The following USH2A variants were observed in gnomAD, a reference collection of about 807,000 sequenced individuals.
The protein encoded by USH2A is Usher syndrome 2A (autosomal recessive, mild).
Under a neutral mutation model 538.9 loss-of-function variants are expected in USH2A, and 443 were observed. That is an observed-to-expected ratio of 0.82 (90% confidence interval 0.76 to 0.89). The LOEUF (loss-of-function observed/expected upper bound fraction) is 0.89, where lower values mean the gene tolerates loss of function less well. Ranked by LOEUF, USH2A falls within the 40% of genes least tolerant of loss-of-function variation. USH2A has a pLI of 0.00. For missense variants in USH2A, 6,633 were observed against 6,324.8 expected (o/e 1.05, Z -1.65); for synonymous variants, 2,413 against 2,273.5 (o/e 1.06, Z -1.75).
At chr1:215,779,189 G>A (rs1477955326) in intron 55 of USH2A, among the ~76,000 whole-genome samples, 1 of 152,114 alleles carries the variant, frequency 6.6e-6, no homozygotes. Flanking sequence ...GAACCTATTC[G>A]AGCAAGTAAG....
chr1:216,310,310 C>G (rs899645863), intron 9 of USH2A, among the ~76,000 whole-genome samples: 6 of 151,940 alleles, frequency 3.9e-5, no homozygotes, highest in Non-Finnish European at 8.8e-5. Context: ...ATCAACTATA[C>G]CTTTTTAAAA....
Position 215,951,845 on chromosome 1 carries a change from T to C in USH2A, c.7120+13472A>G, listed in dbSNP as rs1420504765. 1.3e-5 allele frequency among the ~76,000 whole-genome samples: 2 copies of C among 151,226 alleles called. 1 individual carries two copies. The highest frequency in any genetic ancestry group is 3.0e-5 in the Non-Finnish European group (2 of 67,746). The stretch of plus-strand genomic sequence containing the variant: ...GTCTCTTTTGATCTTTGTTGGTTTA[T>C]TTTTTTTATTTTTTATTTTTTTTAT... On this transcript the variant is annotated intron_variant, in intron 37 of 71. Transcript: ENST00000307340.
chr1:215,967,667 C>T (rs1421325158), intron 36 of USH2A, among the ~76,000 whole-genome samples: 1 of 151,776 alleles, frequency 6.6e-6, no homozygotes, highest in Non-Finnish European at 1.5e-5. Context: ...GGCAGACTTC[C>T]CCTATAGCGT....
At chr1:216,285,598 AG>A (rs1209065345) in intron 11 of USH2A, among the ~76,000 whole-genome samples, 1 of 152,180 alleles carries the variant, frequency 6.6e-6, no homozygotes, top group Non-Finnish European at 1.5e-5. Context: ...ATCTGTGAGA[AG>A]GGGGCCACCA....
chr1:216,317,544 T>C (rs556710910), intron 9 of USH2A, among the ~76,000 whole-genome samples: 1 of 152,156 alleles, frequency 6.6e-6, no homozygotes, highest in Non-Finnish European at 1.5e-5. Flanking sequence ...CATGTTCCTC[T>C]GAACTTAAAA....
At chr1:216,090,398 A>G (rs1272016953) in intron 22 of USH2A, among the ~76,000 whole-genome samples, 1 of 150,896 alleles carries the variant, frequency 6.6e-6, no homozygotes, top group Non-Finnish European at 1.5e-5. Context: ...GCTCGACAAC[A>G]TGTATGACAT....
intron 61 of USH2A, among the ~76,000 whole-genome samples, chr1:215,724,532 G>A (rs1659755967): frequency 1.3e-5 from 2 of 152,048 alleles, no homozygotes; most frequent in East Asian, 1.9e-4. Flanking sequence ...TTATTTGTGC[G>A]ACGGTTACAC....
In USH2A at chr1:216,208,924, G is replaced by T. The variant is rs192025904; in HGVS notation, c.3158-1493C>A. On this transcript the variant is annotated intron_variant, in intron 15 of 71. Transcript: ENST00000307340. ...CTCAGTGCACAGGGTTTTTATTGGG[G>T]GCTGTTCCTATGAGCAGCCTCTATC... 1.3e-4 allele frequency among the ~76,000 whole-genome samples: 20 copies of T among 152,160 alleles called. No individual in the cohort carries two copies. In the East Asian group the frequency reaches 3.5e-3, roughly 26 times the overall value.
intron 38 of USH2A, among the ~76,000 whole-genome samples, chr1:215,913,810 G>A (rs780415429): frequency 5.3e-5 from 8 of 151,752 alleles, no homozygotes; most frequent in Non-Finnish European, 1.0e-4. Context: ...CTGGCTACTT[G>A]ATTCCATTAC....
intron 50 of USH2A, among the ~76,000 whole-genome samples, chr1:215,794,935 G>A (rs557451048): frequency 6.6e-6 from 1 of 152,276 alleles, no homozygotes; most frequent in East Asian, 1.9e-4. Flanking sequence ...AGATTCAAAA[G>A]GAAAACAAGT....
intron 44 of USH2A, among the ~76,000 whole-genome samples, chr1:215,846,814 A>T (rs551251458): frequency 6.6e-6 from 1 of 152,278 alleles, no homozygotes; most frequent in East Asian, 1.9e-4. Context: ...TCCTAGAGAC[A>T]TTTTTTTAAC....
chr1:215,816,771 T>G (rs1310971567), intron 48 of USH2A, among the ~76,000 whole-genome samples: 2 of 152,084 alleles, frequency 1.3e-5, no homozygotes, highest in Non-Finnish European at 2.9e-5. Flanking sequence ...ATGTACCCTA[T>G]TCTAATAAGT....
rs150023321 is a variant in USH2A at position 216,046,491 on chromosome 1, A to G, written c.6265T>C (p.Cys2089Arg). The G allele has an allele frequency of 1.2e-6, 2 of 1,613,778 alleles. No homozygotes were observed. The highest frequency in any genetic ancestry group is 2.7e-5 in the African/African-American group (2 of 74,926). ...ATCAGCCTCCCATCCATGTATAAAC[A>G]GTACTGAGTTATAATACCATTTGCC... Reference protein sequence around the residue: ...KKANGIITQYCLYMDGRLIYS... With the variant: ...KKANGIITQYRLYMDGRLIYS... Residue 2089 changes from cysteine to arginine, a missense_variant, in exon 32 of 72, where the codon TGT becomes CGT. Coordinates refer to ENST00000307340, the MANE Select transcript of USH2A (RefSeq NM_206933.4).
rs1157867676 is a variant in USH2A, at chr1:215,623,567, G to GAAAT, written c.*2210_*2213dup. ...AAGCAACATCTTAGAGTTCTTCTCT[G>GAAAT]AAATAAATACAAGTAAACTTAGACA... On this transcript the variant is annotated 3_prime_UTR_variant, in exon 72 of 72. Coordinates refer to ENST00000307340, the MANE Select transcript of USH2A (RefSeq NM_206933.4). 1 of 152,072 alleles carries GAAAT rather than the reference G, an allele frequency of 6.6e-6. No homozygotes were observed. The highest frequency in any genetic ancestry group is 2.4e-5 in the African/African-American group (1 of 41,424). 9.4% of individuals were successfully genotyped at this position (152,072 alleles called of 1,614,324 possible).
At chr1:215,768,386 T>C (rs1317881344) in intron 55 of USH2A, among the ~76,000 whole-genome samples, 1 of 152,232 alleles carries the variant, frequency 6.6e-6, no homozygotes, top group Non-Finnish European at 1.5e-5. Flanking sequence ...CCATTTAGAA[T>C]GAGAGCAGTA....
At chr1:216,162,594 G>T (rs1171453018) in intron 21 of USH2A, among the ~76,000 whole-genome samples, 1 of 152,004 alleles carries the variant, frequency 6.6e-6, no homozygotes, top group South Asian at 2.1e-4. Context: ...AGATTACCTC[G>T]ACCTTACTCA....
At chr1:215,944,073 T>G (rs146370310) in intron 37 of USH2A, among the ~76,000 whole-genome samples, 83 of 152,292 alleles carry the variant, frequency 5.5e-4, no homozygotes, top group African/African-American at 1.9e-3. Context: ...GATTGAAATA[T>G]CCAAGGAAAG....
At chr1:216,290,017 T>C (rs1159656179) in intron 10 of USH2A, among the ~76,000 whole-genome samples, 1 of 152,084 alleles carries the variant, frequency 6.6e-6, no homozygotes, top group African/African-American at 2.4e-5. Context: ...GCCTGACATA[T>C]TAGATATATC....
intron 35 of USH2A, among the ~76,000 whole-genome samples, chr1:215,983,573 C>A (rs967498530): frequency 6.6e-6 from 1 of 152,032 alleles, no homozygotes; most frequent in Non-Finnish European, 1.5e-5. Context: ...CCACTCTTAG[C>A]ATGAAGAAAG....
Sources: allele counts gnomAD v4.1 joint callset (sites outside exome capture counted in the v4.1 genomes callset), GRCh38; gene constraint gnomAD v4.1.1; transcripts MANE v1.5; gene names NCBI Gene and HGNC (gene_info 2026-07-23, HGNC 2026-07-21).